Variants in MGLL observed in about 807,000 individuals in gnomAD.
MGLL encodes the protein lysophospholipase homolog.
In MGLL, 7 loss-of-function variants were observed where a neutral mutation model predicts 29.1. The ratio of observed to expected loss-of-function variants is 0.24; its 90% CI spans 0.14 to 0.45. The LOEUF (loss-of-function observed/expected upper bound fraction) is 0.45. Among genes scored for constraint, MGLL ranks in the 20% least tolerant of loss-of-function variants. The pLI is 0.99. For missense variants in MGLL, 356 were observed against 413.6 expected, an observed-to-expected ratio of 0.86 and a Z score of 1.21; for synonymous variants, 148 against 168.3, an observed-to-expected ratio of 0.88 and a Z score of 0.93.
intron 6 of MGLL, among the ~76,000 whole-genome samples, chr3:127,695,566 T>A (rs375013217): frequency 6.6e-6 from 1 of 152,128 alleles, no homozygotes; most frequent in African/African-American, 2.4e-5. Flanking sequence ...CTGTATGGGA[T>A]TTTTTGTATT....
chr3:127,715,220 A>G (rs1211789280), intron 5 of MGLL, among the ~76,000 whole-genome samples: 3 of 152,220 alleles, frequency 2.0e-5, no homozygotes, highest in Non-Finnish European at 2.9e-5. Flanking sequence ...GTGTGCAGCT[A>G]GAGCAGAAGT....
chr3:127,711,623 A>G (rs2075715157), intron 5 of MGLL: 1 of 152,238 alleles, frequency 6.6e-6, no homozygotes, highest in Non-Finnish European at 1.5e-5. Context: ...TTCTCAGTGT[A>G]CATCAAGGGC....
intron 6 of MGLL, 134 bp from the exon 7 acceptor site, chr3:127,695,324 T>C: frequency 1.1e-6 from 1 of 898,056 alleles, no homozygotes; most frequent in Non-Finnish European, 1.7e-6. Context: ...GGCTTGGGCA[T>C]GGCTCTGAAG....
At chr3:127,701,663 G>T (rs2075489707) in intron 6 of MGLL, among the ~76,000 whole-genome samples, 1 of 152,118 alleles carries the variant, frequency 6.6e-6, no homozygotes, top group African/African-American at 2.4e-5. Flanking sequence ...TTCCTTGGCT[G>T]CCTGTGGAGT....
intron 5 of MGLL, chr3:127,712,912 T>A (rs1370251063): frequency 6.6e-6 from 1 of 152,222 alleles, no homozygotes; most frequent in Non-Finnish European, 1.5e-5. Context: ...TGGGAGCTCG[T>A]CTGCATTGGG....
chr3:127,785,137 C>T (rs2077191120), intron 2 of MGLL, among the ~76,000 whole-genome samples: 1 of 152,272 alleles, frequency 6.6e-6, no homozygotes, highest in Non-Finnish European at 1.5e-5. Context: ...CCAGGGTTTC[C>T]AGGTGCTTCA....
At chr3:127,801,348 G>A (rs1234157661) in intron 2 of MGLL, among the ~76,000 whole-genome samples, 4 of 148,572 alleles carry the variant, frequency 2.7e-5, no homozygotes, top group Non-Finnish European at 4.4e-5. Flanking sequence ...CAGGCGCGGC[G>A]GCTCACGCCT....
chr3:127,783,626 C>A (rs1189314121), intron 2 of MGLL, among the ~76,000 whole-genome samples: 1 of 152,214 alleles, frequency 6.6e-6, no homozygotes, highest in Non-Finnish European at 1.5e-5. Flanking sequence ...TTTCATTTAG[C>A]CCCATTTTTC....
At chr3:127,780,842 C>A (rs1433663319) in intron 3 of MGLL, among the ~76,000 whole-genome samples, 1 of 152,166 alleles carries the variant, frequency 6.6e-6, no homozygotes, top group Non-Finnish European at 1.5e-5. Flanking sequence ...GGATCTGGGC[C>A]ACAATGATAG....
At chr3:127,801,922 G>A (rs539938107) in intron 2 of MGLL, among the ~76,000 whole-genome samples, 123 of 152,030 alleles carry the variant, frequency 8.1e-4, no homozygotes, top group African/African-American at 2.8e-3. Context: ...ACCCATGCTT[G>A]TCACCAGACA....
chr3:127,817,496 T>G (rs1230099154), intron 2 of MGLL, among the ~76,000 whole-genome samples: 1 of 152,220 alleles, frequency 6.6e-6, no homozygotes, highest in Non-Finnish European at 1.5e-5. Flanking sequence ...GAGTGAGATG[T>G]GTCCACTCGG....
At chr3:127,802,359 G>T (rs901616375) in intron 2 of MGLL, among the ~76,000 whole-genome samples, 2 of 152,164 alleles carry the variant, frequency 1.3e-5, no homozygotes, top group Admixed American at 1.3e-4. Flanking sequence ...GACAGCCCTG[G>T]TGCCCAGGTG....
rs188477877 is a variant in MGLL, at chr3:127,764,919, A to G, written c.262+16870T>C. ...CTGACCCTATGGGGTAGAGACTTTG[A>G]CTCATCCTTTACTGTAGATGAGAAA... On this transcript the variant is annotated intron_variant, in intron 3 of 7. Coordinates refer to ENST00000265052, the MANE Select transcript of MGLL (RefSeq NM_007283.7). Among the ~76,000 whole-genome samples the G allele has an allele frequency of 4.6e-5, 7 of 152,214 alleles. No homozygotes were observed. The East Asian group carries it at 1.2e-3, about 25-fold the overall frequency.
At chr3:127,732,646 C>G (rs1487213935) in intron 3 of MGLL, among the ~76,000 whole-genome samples, 2 of 152,208 alleles carry the variant, frequency 1.3e-5, no homozygotes, top group Non-Finnish European at 2.9e-5. Flanking sequence ...CCGTGTCAGG[C>G]AGGGACAGGT....
chr3:127,753,960 T>C (rs945960395), intron 3 of MGLL, among the ~76,000 whole-genome samples: 1 of 152,118 alleles, frequency 6.6e-6, no homozygotes, highest in Non-Finnish European at 1.5e-5. Context: ...TCCTCAGGGG[T>C]CACTTCCTCC....
At chr3:127,799,346 C>G (rs1171298082) in intron 2 of MGLL, 3 of 152,158 alleles carry the variant, frequency 2.0e-5, no homozygotes, top group African/African-American at 7.2e-5. Context: ...TGTGGACTCT[C>G]CCAACTTCGA....
intron 7 of MGLL, 48 bp from the exon 8 acceptor site, chr3:127,692,371 G>A: frequency 6.2e-7 from 1 of 1,612,196 alleles, no homozygotes; most frequent in South Asian, 1.1e-5. Context: ...TCAGAGGCAG[G>A]TGCAGGGAGC....
chr3:127,800,684 G>A (rs1310947893), intron 2 of MGLL, among the ~76,000 whole-genome samples: 4 of 152,204 alleles, frequency 2.6e-5, no homozygotes, highest in African/African-American at 7.2e-5. Context: ...TTAGTTATGT[G>A]TCTTCCTGCC....
At chr3:127,695,554 G>A (rs546728942) in intron 6 of MGLL, among the ~76,000 whole-genome samples, 2 of 152,304 alleles carry the variant, frequency 1.3e-5, no homozygotes, top group East Asian at 1.9e-4. Flanking sequence ...GTGAAACCAC[G>A]TCTGTATGGG....
Sources: allele counts gnomAD v4.1 joint callset (sites outside exome capture counted in the v4.1 genomes callset), GRCh38; gene constraint gnomAD v4.1.1; transcripts MANE v1.5; gene names NCBI Gene and HGNC (gene_info 2026-07-23, HGNC 2026-07-21).